ESR1: variants seen among roughly 807,000 people sequenced by gnomAD.
The protein encoded by ESR1 is estrogen receptor 1.
Under a neutral mutation model 52.7 loss-of-function variants are expected in ESR1, and 12 were observed. The observed-to-expected ratio is 0.23, with a 90% CI of 0.15 to 0.37. The LOEUF is 0.37. Among genes scored for constraint, ESR1 ranks in the 10% least tolerant of loss-of-function variants. The pLI is 1.00. For missense variants in ESR1, 584 were observed against 779.7 expected (o/e 0.75, Z 2.99); for synonymous variants, 305 against 316.8 (o/e 0.96, Z 0.39).
chr6:151,809,393 G>C (rs562390662), intron 1 of ESR1: 1 of 286,284 alleles, frequency 3.5e-6, no homozygotes, highest in East Asian at 1.2e-4. Flanking sequence ...TTCCTGATGG[G>C]CCTGCAGAGG....
rs965900139 is a variant in ESR1 at position 151,859,230 on chromosome 6, T to C, written c.643+16443T>C. ...ATCCAGATCATATTTTATCACAATT[T>C]GTAACATGTAGCTAATAAAAATGGT... On this transcript the variant is annotated intron_variant, in intron 2 of 7. Transcript: ENST00000206249. Among the ~76,000 whole-genome samples the C allele has an allele frequency of 4.6e-4, 70 of 152,248 alleles. 1 individual carries two copies. The highest frequency in any genetic ancestry group is 4.4e-3 in the Admixed American group (67 of 15,276).
intron 3 of ESR1, among the ~76,000 whole-genome samples, chr6:151,894,221 T>C (rs1417893640): frequency 2.0e-5 from 3 of 152,192 alleles, no homozygotes; most frequent in Non-Finnish European, 4.4e-5. Context: ...ATTCATGTCC[T>C]TAGCCCACTT....
At position 152,112,811 on chromosome 6, in the gene ESR1, A is replaced by G. The variant is rs183923861; in HGVS notation, c.851-12455A>G. 2.0e-4 allele frequency: 30 copies of G among 152,394 alleles called. No homozygotes were observed. The East Asian group carries it at 5.2e-3, about 26-fold the overall frequency. The allele number at this position is 152,394 out of a possible 1,614,324, so 9.4% of individuals were successfully genotyped here. A position where few individuals can be genotyped will look rare whatever the true frequency, so the allele number is the denominator to read the frequency against. On this transcript the variant is annotated intron_variant, in intron 6 of 6. Transcript: ENST00000427531. The stretch of plus-strand genomic sequence containing the variant: ...GCCAAGGGATTTGCAGAACCTTCTG[A>G]GCCCACTGCAAAAGACCATGCCATT...
intron 1 of ESR1, among the ~76,000 whole-genome samples, chr6:151,838,102 C>T (rs956625680): frequency 1.3e-5 from 2 of 152,152 alleles, no homozygotes; most frequent in African/African-American, 2.4e-5. Flanking sequence ...TGGGCTCAAG[C>T]GGTCCTTCTG....
chr6:151,884,064 G>C (rs1373177209), intron 3 of ESR1, among the ~76,000 whole-genome samples: 1 of 152,184 alleles, frequency 6.6e-6, no homozygotes, highest in Non-Finnish European at 1.5e-5. Context: ...GTTACTCAGT[G>C]ATTGTTCAGT....
chr6:151,670,177 G>A (rs755923932), intron 1 of ESR1, among the ~76,000 whole-genome samples: 1 of 152,118 alleles, frequency 6.6e-6, no homozygotes, highest in Non-Finnish European at 1.5e-5. Flanking sequence ...TCGTGGCCGG[G>A]CCTTCCTCTA....
intron 6 of ESR1, among the ~76,000 whole-genome samples, chr6:152,116,969 G>A (rs1297096701): frequency 6.6e-6 from 1 of 152,104 alleles, no homozygotes; most frequent in African/African-American, 2.4e-5. Flanking sequence ...TTGCTATCAT[G>A]GCCAACTGGA....
chr6:152,089,539 T>C (rs2050009517), intron 6 of ESR1, among the ~76,000 whole-genome samples: 1 of 152,240 alleles, frequency 6.6e-6, no homozygotes, highest in African/African-American at 2.4e-5. Flanking sequence ...GTTCATACAC[T>C]GGACCTTTTG....
chr6:151,771,242 G>A (rs1389188350), intron 2 of ESR1, among the ~76,000 whole-genome samples: 1 of 152,166 alleles, frequency 6.6e-6, no homozygotes, highest in Non-Finnish European at 1.5e-5. Context: ...CTATAGAATT[G>A]TATCCATGCC....
chr6:151,721,845 C>G (rs1008842682), intron 2 of ESR1, among the ~76,000 whole-genome samples: 1 of 152,186 alleles, frequency 6.6e-6, no homozygotes, highest in African/African-American at 2.4e-5. Context: ...ATTCATTCAT[C>G]CACCAAATAT....
intron 4 of ESR1, among the ~76,000 whole-genome samples, chr6:151,988,393 G>C (rs1456112997): frequency 6.6e-6 from 1 of 152,116 alleles, no homozygotes; most frequent in Non-Finnish European, 1.5e-5. Flanking sequence ...AGGAGGTGGA[G>C]CTCAGGCAGT....
At chr6:151,850,027 ATT>A (rs1562473977) in intron 2 of ESR1, among the ~76,000 whole-genome samples, 7 of 68,762 alleles carry the variant, frequency 1.0e-4, no homozygotes, top group African/African-American at 4.2e-4. Context: ...TATATACAAA[ATT>A]ATATATATAT....
At chr6:151,813,453 C>G (rs1390087503) in intron 1 of ESR1, 1 of 151,998 alleles carries the variant, frequency 6.6e-6, no homozygotes, top group Non-Finnish European at 1.5e-5. Flanking sequence ...TTCTGGATGC[C>G]TCCTATGGAC....
At chr6:151,899,471 G>T (rs568828850) in intron 3 of ESR1, among the ~76,000 whole-genome samples, 2 of 143,296 alleles carry the variant, frequency 1.4e-5, no homozygotes, top group Non-Finnish European at 3.1e-5. Flanking sequence ...CTGGCCAGGC[G>T]GGGGGCTGAC....
chr6:152,067,861 C>T (rs75450017), intron 6 of ESR1, among the ~76,000 whole-genome samples: 2,542 of 152,208 alleles, frequency 0.017, 70 homozygotes, highest in African/African-American at 0.058. Context: ...AAAAATGCTC[C>T]CCTGATTCCC....
At chr6:151,793,118 C>T (rs1214139630) in intron 2 of ESR1, among the ~76,000 whole-genome samples, 2 of 151,156 alleles carry the variant, frequency 1.3e-5, no homozygotes, top group Non-Finnish European at 2.9e-5. Flanking sequence ...TTGCAGTGAG[C>T]TGAGTTTGCA....
intron 2 of ESR1, among the ~76,000 whole-genome samples, chr6:151,708,279 C>T (rs1217092247): frequency 6.6e-6 from 1 of 152,042 alleles, no homozygotes; most frequent in African/African-American, 2.4e-5. Context: ...TCAGTAGTTG[C>T]ATGCAGTATA....
At chr6:151,885,943 A>G (rs540676768) in intron 3 of ESR1, among the ~76,000 whole-genome samples, 2 of 152,354 alleles carry the variant, frequency 1.3e-5, no homozygotes, top group South Asian at 4.1e-4. Flanking sequence ...GAAAATATAA[A>G]TCTAAAGTGC....
At chr6:152,026,053 T>G (rs1414189638) in intron 5 of ESR1, among the ~76,000 whole-genome samples, 1 of 152,096 alleles carries the variant, frequency 6.6e-6, no homozygotes, top group Non-Finnish European at 1.5e-5. Flanking sequence ...TTATAAATAC[T>G]TTTGGCCTTG....
Sources: gnomAD v4.1 joint callset for allele counts (sites outside exome capture counted in the v4.1 genomes callset) on GRCh38, gnomAD v4.1.1 for gene constraint, MANE v1.5 for transcripts, NCBI Gene and HGNC (gene_info 2026-07-23, HGNC 2026-07-21) for gene names.